Variants in ACTR3C observed in about 807,000 individuals in gnomAD.
ACTR3C encodes the protein actin-related protein 3C.
Under a neutral mutation model 26.3 loss-of-function variants are expected in ACTR3C, and 18 were observed. The observed-to-expected ratio is 0.68, with a 90% CI of 0.47 to 1.01. The LOEUF is 1.01. ACTR3C is among the 50% of genes least tolerant of loss of function. The probability of loss-of-function intolerance (pLI) is 0.00; values close to 1 mark genes in which losing one functional copy is unlikely to be tolerated. For synonymous variants in ACTR3C, 55 were observed against 94.5 expected (o/e 0.58, Z 2.42); for missense variants, 184 against 250.7 (o/e 0.73, Z 1.80).
the ACTR3C span, among the ~76,000 whole-genome samples, chr7:150,186,241 C>T: frequency 6.6e-6 from 1 of 152,210 alleles, no homozygotes; most frequent in East Asian, 1.9e-4. Context: ...CAGTCCTCAT[C>T]AATGCCTCCC....
At chr7:150,058,355 T>C in the ACTR3C span, among the ~76,000 whole-genome samples, 2 of 152,174 alleles carry the variant, frequency 1.3e-5, no homozygotes, top group African/African-American at 4.8e-5. Flanking sequence ...AACCTTTCAT[T>C]GGTTGCCCCC....
the ACTR3C span, among the ~76,000 whole-genome samples, chr7:149,958,178 G>A: frequency 6.6e-6 from 1 of 151,958 alleles, no homozygotes; most frequent in African/African-American, 2.4e-5. Context: ...GGCAAGAGAA[G>A]TCTTCCCCAA....
the ACTR3C span, among the ~76,000 whole-genome samples, chr7:150,013,639 C>A: frequency 1.3e-5 from 2 of 152,244 alleles, no homozygotes; most frequent in African/African-American, 4.8e-5. Context: ...GGTGAGAAAA[C>A]ATGAGATCCC....
At chr7:150,216,085 A>G in the ACTR3C span, among the ~76,000 whole-genome samples, 202 of 151,358 alleles carry the variant, frequency 1.3e-3, no homozygotes, top group African/African-American at 4.7e-3. Context: ...GTCACCAAAC[A>G]TGGAAAATCA....
the ACTR3C span, among the ~76,000 whole-genome samples, chr7:150,159,813 T>TG: frequency 1.2e-4 from 18 of 152,142 alleles, no homozygotes; most frequent in African/African-American, 4.3e-4. Context: ...TTTTTTTGTT[T>TG]TTTGAGATGG....
the ACTR3C span, among the ~76,000 whole-genome samples, chr7:150,034,116 G>A: frequency 6.6e-6 from 1 of 151,750 alleles, no homozygotes; most frequent in African/African-American, 2.4e-5. Flanking sequence ...CAACCGGGGG[G>A]AAGAGGGGAT....
At chr7:150,076,600 T>C in the ACTR3C span, 1 of 152,114 alleles carries the variant, frequency 6.6e-6, no homozygotes, top group African/African-American at 2.4e-5. Context: ...GATAAATTCC[T>C]CTCCTGGCAG....
intron 6 of ACTR3C, among the ~76,000 whole-genome samples, chr7:150,253,058 C>G (rs1246506648): frequency 2.0e-5 from 3 of 152,028 alleles, no homozygotes; most frequent in Non-Finnish European, 4.4e-5. Context: ...ATACTGGCTG[C>G]TTACAGGATA....
At chr7:149,921,274 C>T in the ACTR3C span, among the ~76,000 whole-genome samples, 12 of 152,306 alleles carry the variant, frequency 7.9e-5, no homozygotes, top group Admixed American at 7.2e-4. Flanking sequence ...CTTCTGGACT[C>T]TTCTCCCACA....
chr7:150,067,746 G>A, the ACTR3C span, among the ~76,000 whole-genome samples: 5 of 109,916 alleles, frequency 4.5e-5, no homozygotes, highest in Admixed American at 9.5e-5. Context: ...AGCCACAGGT[G>A]TATAAAGCCA....
the ACTR3C span, among the ~76,000 whole-genome samples, chr7:149,936,341 C>T: frequency 5.4e-4 from 82 of 152,264 alleles, no homozygotes; most frequent in African/African-American, 1.8e-3. Context: ...AGCTTCTAAG[C>T]GCCACATCCT....
chr7:150,175,708 A>G, the ACTR3C span, among the ~76,000 whole-genome samples: 1 of 145,636 alleles, frequency 6.9e-6, no homozygotes, highest in African/African-American at 2.7e-5. Flanking sequence ...GCTATACAGG[A>G]GGCTGAGGCA....
chr7:150,142,836 G>GTTTT, the ACTR3C span, among the ~76,000 whole-genome samples: 3 of 141,196 alleles, frequency 2.1e-5, no homozygotes, highest in African/African-American at 7.9e-5. Flanking sequence ...GCTTTTTTTT[G>GTTTT]TTTTTGTTTT....
the ACTR3C span, among the ~76,000 whole-genome samples, chr7:150,225,362 T>A: frequency 6.6e-6 from 1 of 152,242 alleles, no homozygotes; most frequent in Non-Finnish European, 1.5e-5. Context: ...TATTAATTCA[T>A]ACTAATGTCT....
the ACTR3C span, among the ~76,000 whole-genome samples, chr7:150,114,230 G>T: frequency 3.9e-5 from 6 of 151,962 alleles, no homozygotes; most frequent in Non-Finnish European, 7.4e-5. Flanking sequence ...GCTCAATCCC[G>T]GCAGGATTTT....
At chr7:150,215,624 T>C in the ACTR3C span, among the ~76,000 whole-genome samples, 9 of 152,060 alleles carry the variant, frequency 5.9e-5, no homozygotes, top group Non-Finnish European at 1.3e-4. Context: ...GAGACAAAGG[T>C]GGAATGAGAA....
At chr7:150,271,533 T>G (rs1834450128) in intron 6 of ACTR3C, among the ~76,000 whole-genome samples, 1 of 150,158 alleles carries the variant, frequency 6.7e-6, no homozygotes, top group African/African-American at 2.5e-5. Flanking sequence ...TTTTATGGCT[T>G]CATAGTATTC....
the ACTR3C span, among the ~76,000 whole-genome samples, chr7:149,889,612 T>G: frequency 6.6e-6 from 1 of 152,198 alleles, no homozygotes; most frequent in Admixed American, 6.5e-5. Context: ...GGGCAAGTTA[T>G]GTCTGCCAGC....
downstream of ACTR3C, chr7:150,245,347 A>C (rs1832409275): frequency 6.6e-6 from 1 of 152,250 alleles, no homozygotes; most frequent in Admixed American, 6.5e-5. Context: ...TTATTATGAC[A>C]AAGATTTGTA....
Sources: allele counts gnomAD v4.1 joint callset (sites outside exome capture counted in the v4.1 genomes callset), GRCh38; gene constraint gnomAD v4.1.1; transcripts MANE v1.5; gene names NCBI Gene and HGNC (gene_info 2026-07-23, HGNC 2026-07-21).